The following BCR variants were observed in gnomAD, a reference collection of about 807,000 sequenced individuals.
BCR encodes breakpoint cluster region protein.
A neutral mutation model predicts 138.6 loss-of-function variants in BCR; 58 were observed. The observed-to-expected ratio is 0.42, with a 90% CI of 0.34 to 0.52. The LOEUF is 0.52. Ranked by LOEUF, BCR falls within the 20% of genes least tolerant of loss-of-function variation. The pLI, the probability that BCR is intolerant of heterozygous loss-of-function variation, is 0.06. For synonymous variants in BCR, 786 were observed against 730.1 expected (o/e 1.08, Z -1.23); for missense variants, 1,599 against 1,727.2 (o/e 0.93, Z 1.32).
rs554159604 is a variant in BCR, at chr22:23,187,553, C to T, written c.1279+5314C>T. Reference sequence around the variant, plus strand: ...CTCCCTATGTTGCCCAGGCTGGCCTCGAACTCCTGGGCTTAAGCAATCTAC... The same window carrying T: ...CTCCCTATGTTGCCCAGGCTGGCCTTGAACTCCTGGGCTTAAGCAATCTAC... On this transcript the variant is annotated intron_variant, in intron 1 of 22. Transcript: ENST00000305877. Among the ~76,000 whole-genome samples, 177 of 151,032 alleles carry T rather than the reference C, an allele frequency of 1.2e-3. 4 individuals are homozygous for T. Among genetic ancestry groups the T allele is most frequent in the Admixed American group, 3.4e-3 (52 of 15,150 alleles).
At position 23,261,977 on chromosome 22, in the gene BCR, C is replaced by G. The variant is rs114364458; in HGVS notation, c.1752+437C>G. 6.6e-3 allele frequency: 1,045 copies of G among 158,182 alleles called. 11 individuals carry two copies. The highest frequency in any genetic ancestry group is 0.023 in the African/African-American group (948 of 41,616). The allele number at this position is 158,182 out of a possible 1,614,324, so 9.8% of individuals were successfully genotyped here. On this transcript the variant is annotated intron_variant, in intron 4 of 22. Transcript: ENST00000305877. ...GATGCCAAACTTAGTGTGTAGTGCA[C>G]TACAGCCCAGAACTCCTGACTGAAG...
chr22:23,258,859 G>A (rs548214236), intron 2 of BCR, among the ~76,000 whole-genome samples: 2 of 152,326 alleles, frequency 1.3e-5, no homozygotes, highest in South Asian at 2.1e-4. Flanking sequence ...AGGGACCACC[G>A]CCCCAGTTCC....
chr22:23,207,604 C>G (rs1441112737), intron 1 of BCR, among the ~76,000 whole-genome samples: 1 of 152,162 alleles, frequency 6.6e-6, no homozygotes, highest in African/African-American at 2.4e-5. Flanking sequence ...GCCTGGGCGA[C>G]AGAGACAGAC....
chr22:23,224,129 T>G (rs1212092523), intron 1 of BCR, among the ~76,000 whole-genome samples: 1 of 152,204 alleles, frequency 6.6e-6, no homozygotes, highest in Non-Finnish European at 1.5e-5. Flanking sequence ...CGCAGATCTC[T>G]CGACTGTGGC....
chr22:23,202,745 G>A (rs974330294), intron 1 of BCR, among the ~76,000 whole-genome samples: 3 of 147,526 alleles, frequency 2.0e-5, no homozygotes, highest in African/African-American at 7.9e-5. Context: ...GTGTGTGTGT[G>A]TGTATATATA....
intron 1 of BCR, among the ~76,000 whole-genome samples, chr22:23,246,967 A>C: frequency 6.6e-6 from 1 of 151,956 alleles, no homozygotes; most frequent in East Asian, 1.9e-4. Context: ...GTGCCAGGCT[A>C]TGGATGAGCG....
chr22:23,202,721 TTGTGTGTGTGTG>T (rs58577462), intron 1 of BCR, among the ~76,000 whole-genome samples: 3 of 142,754 alleles, frequency 2.1e-5, no homozygotes, highest in Non-Finnish European at 4.5e-5. Flanking sequence ...ATTCAATTGT[TTGTGTGTGTGTG>T]TGTGTGTGTG....
At chr22:23,238,574 T>C (rs746773118) in intron 1 of BCR, among the ~76,000 whole-genome samples, 4 of 152,034 alleles carry the variant, frequency 2.6e-5, no homozygotes, top group Non-Finnish European at 4.4e-5. Flanking sequence ...ATCTGTAAAA[T>C]GGGGTACTGA....
chr22:23,183,473 T>A (rs891315685), intron 1 of BCR, among the ~76,000 whole-genome samples: 3 of 152,250 alleles, frequency 2.0e-5, no homozygotes, highest in Non-Finnish European at 2.9e-5. Context: ...TGATCTTCCA[T>A]TTGCAGCTGG....
intron 1 of BCR, among the ~76,000 whole-genome samples, chr22:23,206,516 G>A (rs2072615695): frequency 6.6e-6 from 1 of 151,572 alleles, no homozygotes; most frequent in African/African-American, 2.4e-5. Flanking sequence ...GGCGGAGCTT[G>A]CAGTGAGCCG....
At chr22:23,257,713 C>G (rs191965306) in intron 2 of BCR, among the ~76,000 whole-genome samples, 40 of 152,314 alleles carry the variant, frequency 2.6e-4, no homozygotes, top group Admixed American at 1.4e-3. Context: ...GTCGCCCCAC[C>G]CTACGTGTAT....
chr22:23,276,483 G>T (rs1489036420), intron 8 of BCR, among the ~76,000 whole-genome samples: 1 of 152,134 alleles, frequency 6.6e-6, no homozygotes, highest in Non-Finnish European at 1.5e-5. Flanking sequence ...ACCTCGCCCT[G>T]GTGGAGGGGC....
At chr22:23,189,504 C>T (rs568644486) in intron 1 of BCR, among the ~76,000 whole-genome samples, 7 of 151,742 alleles carry the variant, frequency 4.6e-5, no homozygotes, top group African/African-American at 1.7e-4. Context: ...TTTTTTCTTT[C>T]TTTCTTTTCT....
chr22:23,212,421 C>T (rs963830207), intron 1 of BCR, among the ~76,000 whole-genome samples: 4 of 152,172 alleles, frequency 2.6e-5, no homozygotes, highest in African/African-American at 9.7e-5. Context: ...ATAGAGACAC[C>T]CATTGCTCAG....
intron 5 of BCR, 145 bp from the exon 6 acceptor site, chr22:23,271,387 C>A: frequency 1.2e-6 from 1 of 807,308 alleles, no homozygotes; most frequent in Non-Finnish European, 2.0e-6. Flanking sequence ...GGTCCCTGCA[C>A]ACCCTGTGAC....
At chr22:23,184,260 T>TG in intron 1 of BCR, among the ~76,000 whole-genome samples, 1 of 143,308 alleles carries the variant, frequency 7.0e-6, no homozygotes, top group East Asian at 2.0e-4. Context: ...TAATTTTTAA[T>TG]TTTTTTTTTT....
chr22:23,304,737 G>A (rs114295335), intron 16 of BCR, among the ~76,000 whole-genome samples: 38 of 152,342 alleles, frequency 2.5e-4, no homozygotes, highest in African/African-American at 8.9e-4. Context: ...GCTGGTTATA[G>A]TGTATCCTAA....
At chr22:23,304,039 T>C (rs1401701124) in intron 16 of BCR, among the ~76,000 whole-genome samples, 1 of 150,202 alleles carries the variant, frequency 6.7e-6, no homozygotes, top group African/African-American at 2.5e-5. Flanking sequence ...GCTCAAGTGC[T>C]CTTCCTACCT....
intron 1 of BCR, among the ~76,000 whole-genome samples, chr22:23,213,575 C>T (rs932209539): frequency 5.9e-5 from 9 of 152,204 alleles, no homozygotes; most frequent in Non-Finnish European, 1.3e-4. Context: ...GTAATCCCAG[C>T]TCTTTGGGAG....
Sources: allele counts gnomAD v4.1 joint callset (sites outside exome capture counted in the v4.1 genomes callset), GRCh38; gene constraint gnomAD v4.1.1; transcripts MANE v1.5; gene names NCBI Gene and HGNC (gene_info 2026-07-23, HGNC 2026-07-21).